The following FARP1 variants were observed in gnomAD, a reference collection of about 807,000 sequenced individuals.
The protein encoded by FARP1 is FERM, ARH/RhoGEF and pleckstrin domain protein 1.
In FARP1, 52 loss-of-function variants were observed where a neutral mutation model predicts 128.8. The ratio of observed to expected loss-of-function variants is 0.40; its 90% CI spans 0.32 to 0.51. FARP1 has a LOEUF of 0.51. Ranked by LOEUF, FARP1 falls within the 20% of genes least tolerant of loss-of-function variation. FARP1 has a pLI of 0.45. For synonymous variants in FARP1, 580 were observed against 551.8 expected (o/e 1.05, Z -0.72); for missense variants, 1,333 against 1,367.9 (o/e 0.97, Z 0.40).
At chr13:98,191,219 C>T (rs939820176) in intron 1 of FARP1, among the ~76,000 whole-genome samples, 2 of 152,208 alleles carry the variant, frequency 1.3e-5, no homozygotes, top group African/African-American at 4.8e-5. Context: ...GAACCCTTGA[C>T]CGTACTAACC....
At chr13:98,194,261 CG>C (rs1879428992) in intron 1 of FARP1, among the ~76,000 whole-genome samples, 1 of 152,060 alleles carries the variant, frequency 6.6e-6, no homozygotes, top group Non-Finnish European at 1.5e-5. Context: ...GGATTACAGG[CG>C]CCTGCTACCA....
intron 2 of FARP1, among the ~76,000 whole-genome samples, chr13:98,282,484 T>G (rs1884980518): frequency 6.6e-6 from 1 of 152,150 alleles, no homozygotes; most frequent in Non-Finnish European, 1.5e-5. Flanking sequence ...AATACTATAG[T>G]AAAAATAGTA....
intron 2 of FARP1, among the ~76,000 whole-genome samples, chr13:98,220,360 G>A (rs1333085923): frequency 6.6e-6 from 1 of 152,216 alleles, no homozygotes; most frequent in African/African-American, 2.4e-5. Flanking sequence ...GCAGGGAGGT[G>A]TGTGTGCCCA....
intron 18 of FARP1, chr13:98,433,565 C>CA (rs1183774886): frequency 5.9e-5 from 9 of 152,342 alleles, no homozygotes; most frequent in South Asian, 2.1e-4. Context: ...CTTGTCTCTA[C>CA]AAAAAATTTA....
intron 2 of FARP1, among the ~76,000 whole-genome samples, chr13:98,270,418 A>T (rs1471599725): frequency 6.6e-6 from 1 of 152,202 alleles, no homozygotes; most frequent in Non-Finnish European, 1.5e-5. Flanking sequence ...AAGATTGCAC[A>T]TCTGGTTTTA....
At chr13:98,401,310 C>T (rs1890751594) in intron 13 of FARP1, 1 of 151,908 alleles carries the variant, frequency 6.6e-6, no homozygotes, top group Non-Finnish European at 1.5e-5. Flanking sequence ...CACATGTACA[C>T]ACCTCTCCCA....
At chr13:98,372,083 T>TTC (rs1889358476) in intron 5 of FARP1, among the ~76,000 whole-genome samples, 1 of 77,572 alleles carries the variant, frequency 1.3e-5, no homozygotes, top group Non-Finnish European at 2.7e-5. Flanking sequence ...CAGTTTTTCT[T>TTC]TTTTTTTTTT....
chr13:98,236,244 G>C (rs1245943773), intron 2 of FARP1, among the ~76,000 whole-genome samples: 2 of 152,102 alleles, frequency 1.3e-5, no homozygotes, highest in Admixed American at 6.6e-5. Flanking sequence ...TTGTAGCCGG[G>C]AAAAAGTGAT....
intron 1 of FARP1, among the ~76,000 whole-genome samples, chr13:98,170,581 C>T (rs979408822): frequency 5.9e-5 from 9 of 151,960 alleles, no homozygotes; most frequent in African/African-American, 7.3e-5. Context: ...TGGTCTCTAT[C>T]TCCTGACCTT....
chr13:98,327,164 A>C (rs1778673914), intron 2 of FARP1, among the ~76,000 whole-genome samples: 1 of 152,244 alleles, frequency 6.6e-6, no homozygotes, highest in Non-Finnish European at 1.5e-5. Flanking sequence ...ATTTGTTTTT[A>C]AAGATGGCTC....
chr13:98,376,313 T>C (rs1889580185), intron 5 of FARP1, among the ~76,000 whole-genome samples: 1 of 152,220 alleles, frequency 6.6e-6, no homozygotes, highest in African/African-American at 2.4e-5. Context: ...TTCTGCTCTC[T>C]CTTTCCATGA....
chr13:98,408,232 G>T (rs1423506132), intron 13 of FARP1, among the ~76,000 whole-genome samples: 3 of 151,630 alleles, frequency 2.0e-5, no homozygotes, highest in Non-Finnish European at 4.4e-5. Context: ...GCTTCATTGG[G>T]TTGAGATACA....
intron 2 of FARP1, among the ~76,000 whole-genome samples, chr13:98,313,397 A>G (rs906830700): frequency 1.3e-5 from 2 of 149,760 alleles, no homozygotes; most frequent in African/African-American, 4.8e-5. Flanking sequence ...CAGAGACTGC[A>G]GTGCTGGAGC....
chr13:98,269,192 C>T (rs1227785647), intron 2 of FARP1, among the ~76,000 whole-genome samples: 3 of 152,214 alleles, frequency 2.0e-5, no homozygotes, highest in South Asian at 2.1e-4. Flanking sequence ...ACCCTACCTT[C>T]CCTCAGTCAG....
chr13:98,155,799 G>A (rs1452715149), intron 1 of FARP1, among the ~76,000 whole-genome samples: 1 of 152,150 alleles, frequency 6.6e-6, no homozygotes, highest in Non-Finnish European at 1.5e-5. Context: ...GATTATGGGG[G>A]TGAGCCACTG....
At chr13:98,314,274 C>CTTTT (rs140938723) in intron 2 of FARP1, among the ~76,000 whole-genome samples, 29 of 60,002 alleles carry the variant, frequency 4.8e-4, no homozygotes, top group Middle Eastern at 0.012. Context: ...TATTTTATGT[C>CTTTT]TTTTTTTTTT....
At chr13:98,439,264 C>T (rs538067050) in intron 21 of FARP1, 68 bp downstream of exon 21, 27 of 1,087,056 alleles carry the variant, frequency 2.5e-5, no homozygotes, top group African/African-American at 1.9e-4. Context: ...GCTGCTGACC[C>T]GGCGATGAGG....
Position 98,176,873 on chromosome 13 carries a change from GCTC to G in FARP1, c.-24+33384_-24+33386del, listed in dbSNP as rs1878095195. 6.2e-7 allele frequency: 1 copy of G among 1,607,856 alleles called. No individual in the cohort carries two copies. Among genetic ancestry groups the G allele is most frequent in the African/African-American group, 1.3e-5 (1 of 74,876 alleles). On this transcript the variant is annotated intron_variant, in intron 1 of 26. Transcript: ENST00000319562. The surrounding 1 kb of genome is among the most constrained non-coding windows in gnomAD (Gnocchi z 6.2). The stretch of plus-strand genomic sequence containing the variant: ...CACTTGAGGATGGTCGGCGTATGGT[GCTC>G]CTTCTCGGTGTCCTGCTCGAAGTCA...
chr13:98,240,779 C>A lies in FARP1; in HGVS notation c.171+27366C>A, dbSNP rs149648623. ...GAGTGGGTTGGTTTTGTGTCGTGTT[C>A]TAGTGCGTTTTCATCGTGAACATCT... On this transcript the variant is annotated intron_variant, in intron 2 of 26. Transcript: ENST00000319562. Among the ~76,000 whole-genome samples the A allele has an allele frequency of 1.6e-4, 24 of 152,290 alleles. 1 individual carries two copies. The highest frequency in any genetic ancestry group is 5.5e-4 in the African/African-American group (23 of 41,560).
Sources: gnomAD v4.1 joint callset for allele counts (sites outside exome capture counted in the v4.1 genomes callset) on GRCh38, gnomAD v4.1.1 for gene constraint, Gnocchi (gnomAD v3.1) non-coding constraint, MANE v1.5 for transcripts, NCBI Gene and HGNC (gene_info 2026-07-23, HGNC 2026-07-21) for gene names.